The following UBE3A variants were observed in gnomAD, a reference collection of about 807,000 sequenced individuals.
The protein encoded by UBE3A is ubiquitin protein ligase E3A, also known as ubiquitin-protein ligase E3A.
Under a neutral mutation model 83.4 loss-of-function variants are expected in UBE3A, and 6 were observed. That is an observed-to-expected ratio of 0.07 (90% CI 0.04 to 0.14). UBE3A has a LOEUF of 0.14. Among genes scored for constraint, UBE3A ranks in the 10% least tolerant of loss-of-function variants. The pLI is 1.00. For synonymous variants in UBE3A, 337 were observed against 355.4 expected (o/e 0.95, Z 0.58); for missense variants, 456 against 1,036.1 (o/e 0.44, Z 7.69).
chr15:25,337,079 G>A lies in UBE3A; in HGVS notation c.*2058C>T, dbSNP rs1186207366. Reference sequence around the variant, plus strand: ...CGATTTTTTTTCTCTAAAATTTTAAGGGTAGGTTCATTCTGACTCTGTTAA... The same window carrying A: ...CGATTTTTTTTCTCTAAAATTTTAAAGGTAGGTTCATTCTGACTCTGTTAA... On this transcript the variant is annotated 3_prime_UTR_variant, in exon 13 of 13. Coordinates refer to ENST00000648336, the MANE Select transcript of UBE3A (RefSeq NM_130839.5). 3.3e-5 allele frequency: 5 copies of A among 152,084 alleles called. No individual in the cohort carries two copies. Among genetic ancestry groups the A allele is most frequent in the African/African-American group, 1.2e-4 (5 of 41,432 alleles). The allele number at this position is 152,084 out of a possible 1,614,324, so 9.4% of individuals were successfully genotyped here. A position where few individuals can be genotyped will look rare whatever the true frequency, so the allele number is the denominator to read the frequency against.
chr15:25,365,082 T>C (rs1595719431), intron 6 of UBE3A, among the ~76,000 whole-genome samples: 1 of 152,170 alleles, frequency 6.6e-6, no homozygotes, highest in Non-Finnish European at 1.5e-5. Context: ...ACTGCGTAAC[T>C]TCCTCTTCTT....
At chr15:25,339,912 A>G (rs1022718838) in intron 12 of UBE3A, 173 bp downstream of exon 12, 22 of 855,878 alleles carry the variant, frequency 2.6e-5, no homozygotes, top group African/African-American at 6.9e-5. Flanking sequence ...CAATTTCTTA[A>G]AAGTTTCCTC....
At chr15:25,381,282 T>C (rs909953855) in intron 4 of UBE3A, among the ~76,000 whole-genome samples, 2 of 152,072 alleles carry the variant, frequency 1.3e-5, no homozygotes, top group African/African-American at 4.8e-5. Flanking sequence ...ACTAAAAAAA[T>C]GAATTTACAA....
At chr15:25,378,830 C>T (rs1252241363) in intron 4 of UBE3A, among the ~76,000 whole-genome samples, 2 of 152,174 alleles carry the variant, frequency 1.3e-5, no homozygotes, top group East Asian at 3.9e-4. Context: ...CACATTTATG[C>T]ATCTATCTGG....
intron 11 of UBE3A, chr15:25,346,901 AGT>A (rs2075772379): frequency 1.3e-5 from 2 of 152,168 alleles, no homozygotes; most frequent in Admixed American, 1.3e-4. Flanking sequence ...TGGAGAAAAG[AGT>A]GACGCTGAAA....
intron 4 of UBE3A, among the ~76,000 whole-genome samples, chr15:25,380,499 G>A (rs553889754): frequency 1.1e-3 from 167 of 151,852 alleles, no homozygotes; most frequent in African/African-American, 3.6e-3. Context: ...TCTTTACCCT[G>A]AGCAAATCCG....
rs1392594345 is a variant in UBE3A, at chr15:25,398,764, CTTTT to C, written c.62+6693_62+6696del. On this transcript the variant is annotated intron_variant, in intron 4 of 12. Coordinates refer to ENST00000648336, the MANE Select transcript of UBE3A (RefSeq NM_130839.5). The stretch of plus-strand genomic sequence containing the variant: ...ATCTCTTCAGCGCACTGATTTTATT[CTTTT>C]ATTTATATATATATATATATATATA... Among the ~76,000 whole-genome samples the C allele has an allele frequency of 1.4e-4, 10 of 72,688 alleles. 1 individual carries two copies. The highest frequency in any genetic ancestry group is 3.7e-4 in the African/African-American group (8 of 21,484). The allele number at this position is 72,688 out of a possible 152,430, so 47.7% of individuals were successfully genotyped here.
At chr15:25,416,881 C>G (rs535212024) in intron 1 of UBE3A, among the ~76,000 whole-genome samples, 4 of 152,148 alleles carry the variant, frequency 2.6e-5, no homozygotes, top group African/African-American at 4.8e-5. Context: ...TAATTTCCAA[C>G]CTGCAGTCAA....
intron 6 of UBE3A, among the ~76,000 whole-genome samples, chr15:25,366,296 C>G (rs185285506): frequency 6.6e-6 from 1 of 152,250 alleles, no homozygotes; most frequent in Admixed American, 6.5e-5. Context: ...ACAGAATAAT[C>G]TCATTTTTAA....
At chr15:25,378,135 G>A (rs1566986028) in intron 4 of UBE3A, among the ~76,000 whole-genome samples, 1 of 151,960 alleles carries the variant, frequency 6.6e-6, no homozygotes, top group Non-Finnish European at 1.5e-5. Context: ...TTACTAAATT[G>A]TCTCTGATTT....
chr15:25,425,566 T>C (rs1891081033), intron 1 of UBE3A, among the ~76,000 whole-genome samples: 1 of 152,200 alleles, frequency 6.6e-6, no homozygotes, highest in Non-Finnish European at 1.5e-5. Flanking sequence ...TACAGCTATC[T>C]TACATTTTAT....
chr15:25,358,612 T>A (rs2077570003), intron 7 of UBE3A, among the ~76,000 whole-genome samples: 1 of 152,134 alleles, frequency 6.6e-6, no homozygotes, highest in African/African-American at 2.4e-5. Flanking sequence ...AAATCAGAAA[T>A]CAAATTATAC....
intron 3 of UBE3A, chr15:25,407,740 T>C (rs2088983997): frequency 6.6e-6 from 1 of 152,176 alleles, no homozygotes; most frequent in Non-Finnish European, 1.5e-5. Flanking sequence ...CTATTAAACA[T>C]AGCAAAGTTG....
At chr15:25,379,437 T>C (rs2081789996) in intron 4 of UBE3A, among the ~76,000 whole-genome samples, 1 of 152,192 alleles carries the variant, frequency 6.6e-6, no homozygotes, top group Non-Finnish European at 1.5e-5. Flanking sequence ...CTATATTTGA[T>C]CTGCCTTTCT....
At chr15:25,361,028 ACTTAGT>A (rs2152733558) in intron 6 of UBE3A, among the ~76,000 whole-genome samples, 1 of 152,254 alleles carries the variant, frequency 6.6e-6, no homozygotes, top group East Asian at 1.9e-4. Context: ...TCACAGTAAG[ACTTAGT>A]ATAAATTACC....
At chr15:25,375,179 GT>G (rs1173601598) in intron 5 of UBE3A, 2 of 376,218 alleles carry the variant, frequency 5.3e-6, no homozygotes, top group Non-Finnish European at 9.7e-6. Context: ...TTGTGGCCTA[GT>G]TTTGGAGATT....
chr15:25,387,854 G>A (rs540004230), intron 4 of UBE3A, among the ~76,000 whole-genome samples: 7 of 152,222 alleles, frequency 4.6e-5, no homozygotes, highest in Middle Eastern at 6.8e-3. Flanking sequence ...TTACGGCCAC[G>A]AATTTGGTAA....
At chr15:25,398,783 A>ATAATATATATATATATATTCTTTTATT (rs1555415812) in intron 4 of UBE3A, among the ~76,000 whole-genome samples, 3 of 33,126 alleles carry the variant, frequency 9.1e-5, no homozygotes, top group African/African-American at 3.4e-4. Context: ...ATATATATAT[A>ATAATATATATATATATATTCTTTTATT]TATATATATA....
At chr15:25,347,519 G>A (rs553514132) in intron 11 of UBE3A, among the ~76,000 whole-genome samples, 9 of 152,210 alleles carry the variant, frequency 5.9e-5, no homozygotes, top group African/African-American at 1.7e-4. Context: ...GGCCAATATG[G>A]TGAAACCTCA....
Sources: gnomAD v4.1 joint callset for allele counts (sites outside exome capture counted in the v4.1 genomes callset) on GRCh38, gnomAD v4.1.1 for gene constraint, MANE v1.5 for transcripts, NCBI Gene and HGNC (gene_info 2026-07-23, HGNC 2026-07-21) for gene names.